KANSL1: variants seen among roughly 807,000 people sequenced by gnomAD.
KANSL1 encodes MLL1/MLL complex subunit KANSL1.
In KANSL1, 22 loss-of-function variants were observed where a neutral mutation model predicts 103.6. That is an observed-to-expected ratio of 0.21 (90% CI 0.15 to 0.30). The LOEUF (loss-of-function observed/expected upper bound fraction) is 0.30. Ranked by LOEUF, KANSL1 falls within the 10% of genes least tolerant of loss-of-function variation. KANSL1 has a pLI of 1.00. For missense variants in KANSL1, 1,337 were observed against 1,399.8 expected (o/e 0.96, Z 0.72); for synonymous variants, 600 against 527.6 (o/e 1.14, Z -1.88).
At chr17:46,170,096 C>CACACTACT (rs1567759801) in intron 2 of KANSL1, among the ~76,000 whole-genome samples, 1 of 151,746 alleles carries the variant, frequency 6.6e-6, no homozygotes, top group Non-Finnish European at 1.5e-5. Flanking sequence ...GAGCTGAGAT[C>CACACTACT]GCACTACTGC....
chr17:46,164,179 C>T (rs1269990406), intron 2 of KANSL1, among the ~76,000 whole-genome samples: 1 of 152,224 alleles, frequency 6.6e-6, no homozygotes, highest in Non-Finnish European at 1.5e-5. Flanking sequence ...TTAACACTAC[C>T]ATAAAAGAGT....
chr17:46,199,274 T>G (rs947941402), intron 1 of KANSL1, among the ~76,000 whole-genome samples: 1 of 152,232 alleles, frequency 6.6e-6, no homozygotes, highest in Admixed American at 6.5e-5. Context: ...CCAGTGCTAC[T>G]CAATTGGTGA....
At chr17:46,219,264 GGAA>G (rs2048441981) in intron 1 of KANSL1, among the ~76,000 whole-genome samples, 1 of 120,434 alleles carries the variant, frequency 8.3e-6, no homozygotes, top group Non-Finnish European at 1.6e-5. Context: ...AAAAAAAAAA[GGAA>G]GAAGAATGCT....
intron 2 of KANSL1, among the ~76,000 whole-genome samples, chr17:46,132,875 C>T (rs2043935196): frequency 6.6e-6 from 1 of 152,050 alleles, no homozygotes; most frequent in South Asian, 2.1e-4. Flanking sequence ...CCTGGGAGGT[C>T]GAGGCTGCAG....
chr17:46,151,066 T>C (rs2045071889), intron 2 of KANSL1, among the ~76,000 whole-genome samples: 1 of 152,174 alleles, frequency 6.6e-6, no homozygotes, highest in Non-Finnish European at 1.5e-5. Context: ...ACATACTGAG[T>C]GCTAACCTTC....
At chr17:46,036,539 C>G (rs1450217056) in intron 10 of KANSL1, among the ~76,000 whole-genome samples, 1 of 152,140 alleles carries the variant, frequency 6.6e-6, no homozygotes, top group Non-Finnish European at 1.5e-5. Context: ...TATCAGTAAT[C>G]TGGAGATGAT....
intron 2 of KANSL1, among the ~76,000 whole-genome samples, chr17:46,140,889 G>A (rs2044385973): frequency 1.3e-5 from 2 of 152,326 alleles, no homozygotes; most frequent in African/African-American, 4.8e-5. Context: ...TGGCAAGAAT[G>A]TGGAGAGAAT....
At chr17:46,206,595 A>G (rs1272109128) in intron 1 of KANSL1, among the ~76,000 whole-genome samples, 1 of 152,258 alleles carries the variant, frequency 6.6e-6, no homozygotes, top group Non-Finnish European at 1.5e-5. Context: ...TCAACAAACC[A>G]TGCTGGGACA....
chr17:46,220,802 T>C (rs2048509259), intron 1 of KANSL1, among the ~76,000 whole-genome samples: 1 of 152,218 alleles, frequency 6.6e-6, no homozygotes, highest in African/African-American at 2.4e-5. Context: ...TTCTCCTGCC[T>C]CAGCCTCCCA....
chr17:46,173,724 T>C (rs552713273), intron 1 of KANSL1, among the ~76,000 whole-genome samples: 12 of 152,386 alleles, frequency 7.9e-5, no homozygotes, highest in Non-Finnish European at 1.3e-4. Flanking sequence ...ACTATACTAA[T>C]AGTCATTATA....
intron 2 of KANSL1, among the ~76,000 whole-genome samples, chr17:46,158,384 C>T (rs1300790319): frequency 6.9e-6 from 1 of 145,942 alleles, no homozygotes; most frequent in African/African-American, 2.6e-5. Context: ...TTTTTTGAGA[C>T]AGTCTCGCTC....
chr17:46,224,585 A>G (rs1466380101), upstream of KANSL1: 1 of 145,792 alleles, frequency 6.9e-6, no homozygotes, highest in Non-Finnish European at 1.5e-5. Context: ...TGTTCTTGCT[A>G]TGCGTTTGTC....
intron 2 of KANSL1, among the ~76,000 whole-genome samples, chr17:46,125,018 G>A: frequency 7.4e-6 from 1 of 135,496 alleles, no homozygotes; most frequent in South Asian, 2.3e-4. Flanking sequence ...GGAAGGGAAG[G>A]GAAGGGAGGG....
chr17:46,167,556 A>C (rs1440114883), intron 2 of KANSL1, among the ~76,000 whole-genome samples: 1 of 152,260 alleles, frequency 6.6e-6, no homozygotes, highest in East Asian at 1.9e-4. Context: ...CAAAGCAGTT[A>C]TATTTCCACT....
At chr17:46,142,648 G>C (rs1034338452) in intron 2 of KANSL1, among the ~76,000 whole-genome samples, 1 of 152,190 alleles carries the variant, frequency 6.6e-6, no homozygotes, top group African/African-American at 2.4e-5. Flanking sequence ...CAACATATGA[G>C]AATGTTCAAC....
chr17:46,057,117 T>A (rs983943309), intron 6 of KANSL1, among the ~76,000 whole-genome samples: 6 of 151,784 alleles, frequency 4.0e-5, no homozygotes, highest in Non-Finnish European at 8.8e-5. Context: ...ACAAAAAAAA[T>A]AAAAATTAAT....
chr17:46,077,108 G>C (rs563995893), intron 4 of KANSL1, among the ~76,000 whole-genome samples: 23 of 152,322 alleles, frequency 1.5e-4, no homozygotes, highest in Non-Finnish European at 2.9e-4. Flanking sequence ...CTCAAGTACA[G>C]TAGCATGATC....
rs528135734 is a variant in KANSL1 at position 46,099,104 on chromosome 17, A to C, written c.1290-4403T>G. On this transcript the variant is annotated intron_variant, in intron 2 of 14. Coordinates refer to ENST00000432791, the MANE Select transcript of KANSL1 (RefSeq NM_015443.4). ...TTTGGGAGGCCGAGGCAGGCGGATC[A>C]CGAGGTCAGGAGATCGAGACCATCC... Among the ~76,000 whole-genome samples the C allele has an allele frequency of 2.9e-3, 329 of 114,126 alleles. 12 individuals carry two copies. Among genetic ancestry groups the C allele is most frequent in the African/African-American group, 8.4e-3 (322 of 38,130 alleles). The allele number at this position is 114,126 out of a possible 152,430, so 74.9% of individuals were successfully genotyped here. A position where few individuals can be genotyped will look rare whatever the true frequency, so the allele number is the denominator to read the frequency against.
intron 2 of KANSL1, among the ~76,000 whole-genome samples, chr17:46,147,686 TAAC>T (rs2044801335): frequency 6.6e-6 from 1 of 151,966 alleles, no homozygotes; most frequent in African/African-American, 2.4e-5. Context: ...TTGACCAACT[TAAC>T]AAATATTTCA....
Sources: allele counts gnomAD v4.1 joint callset (sites outside exome capture counted in the v4.1 genomes callset), GRCh38; gene constraint gnomAD v4.1.1; transcripts MANE v1.5; gene names NCBI Gene and HGNC (gene_info 2026-07-23, HGNC 2026-07-21).